The following CFAP44 variants were observed in gnomAD, a reference collection of about 807,000 sequenced individuals.
CFAP44 encodes cilia and flagella associated protein 44.
Under a neutral mutation model 216.2 loss-of-function variants are expected in CFAP44, and 134 were observed. That is an observed-to-expected ratio of 0.62 (90% CI 0.54 to 0.72). CFAP44 has a LOEUF of 0.72. Ranked by LOEUF, CFAP44 falls within the 30% of genes least tolerant of loss-of-function variation. The pLI is 0.00. For missense variants in CFAP44, 2,035 were observed against 2,182.1 expected (o/e 0.93, Z 1.34); for synonymous variants, 700 against 727.6 (o/e 0.96, Z 0.61).
At chr3:113,330,023 C>G in intron 26 of CFAP44, 145 bp downstream of exon 26, 1 of 955,508 alleles carries the variant, frequency 1.0e-6, no homozygotes, top group East Asian at 2.8e-5. Context: ...GGGAGGAAGC[C>G]AAGCCATCAC....
chr3:113,433,450 A>AAAAAAAAAAAAAAAAAAAAAAAC (rs1935159092), intron 2 of CFAP44, 115 bp downstream of exon 2: 1 of 455,520 alleles, frequency 2.2e-6, no homozygotes, highest in Non-Finnish European at 3.6e-6. Flanking sequence ...AAAAAAAAAA[A>AAAAAAAAAAAAAAAAAAAAAAAC]AAAAAAGATC....
chr3:113,355,766 T>A (rs1395178995), intron 22 of CFAP44, among the ~76,000 whole-genome samples: 1 of 148,164 alleles, frequency 6.7e-6, no homozygotes, highest in Non-Finnish European at 1.5e-5. Flanking sequence ...GAATTTAAAG[T>A]ATTAAAAAAA....
At chr3:113,304,995 T>C in intron 31 of CFAP44, 41 bp downstream of exon 31, 12 of 1,513,946 alleles carry the variant, frequency 7.9e-6, no homozygotes, top group Non-Finnish European at 9.8e-6. Flanking sequence ...GTGTGATGAC[T>C]CTTCTCGGAC....
Position 113,400,579 on chromosome 3 carries a change from A to T in CFAP44, c.1440T>A (p.Pro480=), listed in dbSNP as rs767388844. The change falls in exon 12 of 35, where the codon CCT becomes CCA. Residue 480 remains proline, a synonymous_variant. Coordinates refer to ENST00000393845, the MANE Select transcript of CFAP44 (RefSeq NM_001164496.2). ...CAGTTGTGGCCATGAGATAAGTGAGAGGAGAAACAGCCACGGCTTCAATAG... is the reference window on the plus strand; with the variant it reads ...CAGTTGTGGCCATGAGATAAGTGAGTGGAGAAACAGCCACGGCTTCAATAG... ...SGAIEAVAVS[P]LTYLMATTAL... 6.2e-7 allele frequency: 1 copy of T among 1,610,470 alleles called. No individual in the cohort carries two copies. Among genetic ancestry groups the T allele is most frequent in the Non-Finnish European group, 8.5e-7 (1 of 1,178,202 alleles).
chr3:113,303,891 CA>C (rs1559905212), intron 32 of CFAP44, 24 bp downstream of exon 32: 9 of 1,536,110 alleles, frequency 5.9e-6, no homozygotes, highest in Non-Finnish European at 7.9e-6. Flanking sequence ...ACCTTACTAG[CA>C]AGGCTGTGGG....
rs1369565646 is a variant in CFAP44 at position 113,344,549 on chromosome 3, C to T, written c.3229G>A (p.Gly1077Arg). 2.6e-6 allele frequency: 4 copies of T among 1,536,898 alleles called. No homozygotes were observed. Among genetic ancestry groups the T allele is most frequent in the Non-Finnish European group, 3.5e-6 (4 of 1,146,800 alleles). ...CTCTGGCTGTCCTTTCTTCCAGGTC[C>T]CTCTTTTTCAAACCTGTCCAATTTG... ...PSKLDRFEKEGPGRKDSQRDA... is the reference protein window; with the variant it reads ...PSKLDRFEKERPGRKDSQRDA... Residue 1077 changes from glycine to arginine, a missense_variant, in exon 23 of 35, where the codon GGA becomes AGA. Gly to Arg is a moderately radical substitution (Grantham distance 125, BLOSUM62 -2). Coordinates refer to ENST00000393845, the MANE Select transcript of CFAP44 (RefSeq NM_001164496.2).
In CFAP44 at chr3:113,304,901, G is replaced by A. The variant is rs187430295; in HGVS notation, c.4875+135C>T. 4.2e-4 allele frequency: 283 copies of A among 673,364 alleles called. 1 individual carries two copies. In the African/African-American group the frequency reaches 4.6e-3, roughly 11 times the overall value. 41.7% of individuals were successfully genotyped at this position (673,364 alleles called of 1,614,324 possible). A position where few individuals can be genotyped will look rare whatever the true frequency, so the allele number is the denominator to read the frequency against. On this transcript the variant is annotated intron_variant, in intron 31 of 34. Transcript: ENST00000393845. ...CTGACAGTGGATAAGACAAGTGTAG[G>A]TGTCATTCTACAGGTGGAATTCTCA...
chr3:113,406,845 G>A, intron 8 of CFAP44, 82 bp downstream of exon 8: 2 of 875,560 alleles, frequency 2.3e-6, no homozygotes, highest in East Asian at 2.6e-5. Flanking sequence ...GGCAGAGCTT[G>A]TTAGAATTTT....
At chr3:113,361,411 CTAT>C (rs1408398335) in intron 21 of CFAP44, 1 of 158,820 alleles carries the variant, frequency 6.3e-6, no homozygotes, top group East Asian at 1.8e-4. Flanking sequence ...AAAATGACTA[CTAT>C]TATTTTGTGT....
chr3:113,434,383 AG>A (rs1935185917), intron 1 of CFAP44: 1 of 152,214 alleles, frequency 6.6e-6, no homozygotes, highest in Non-Finnish European at 1.5e-5. Flanking sequence ...GGCTGCAAGC[AG>A]TCTATTGGCC....
At chr3:113,330,720 T>C in intron 25 of CFAP44, 52 bp from the exon 26 acceptor site, 1 of 1,473,230 alleles carries the variant, frequency 6.8e-7, no homozygotes, top group Non-Finnish European at 8.9e-7. Context: ...GACAAATAAC[T>C]GTATGGAATA....
rs373518668 is a variant in CFAP44, at chr3:113,433,671, T to A, written c.-5-2A>T. On this transcript the variant is annotated splice_acceptor_variant, in intron 1 of 34. Coordinates refer to ENST00000393845, the MANE Select transcript of CFAP44 (RefSeq NM_001164496.2). LOFTEE classifies it low-confidence loss of function (5UTR_SPLICE). ...GATCATCTGGTTCCTTCATTTCCTCTGTAAGTACAAAATGGGGATGAGATA... is the reference window on the plus strand; with the variant it reads ...GATCATCTGGTTCCTTCATTTCCTCAGTAAGTACAAAATGGGGATGAGATA... 2.5e-6 allele frequency: 4 copies of A among 1,607,278 alleles called. No individual in the cohort carries two copies. The African/African-American group carries it at 5.3e-5, about 21-fold the overall frequency.
chr3:113,357,935 C>T (rs986145960), intron 22 of CFAP44, among the ~76,000 whole-genome samples: 1 of 151,990 alleles, frequency 6.6e-6, no homozygotes, highest in Non-Finnish European at 1.5e-5. Flanking sequence ...ATAGAAACAA[C>T]TCAAATATCT....
In CFAP44 at chr3:113,327,395, A is replaced by AAATT. The variant is rs201762471; in HGVS notation, c.4320+220_4320+221insAATT. On this transcript the variant is annotated intron_variant, in intron 27 of 34. Coordinates refer to ENST00000393845, the MANE Select transcript of CFAP44 (RefSeq NM_001164496.2). ...ATTTTATTCTTCTACCTTACAGAAT[A>AAATT]TCAGACCAAATTTACTAAAAAATCT... 8.7e-3 allele frequency among the ~76,000 whole-genome samples: 1,324 copies of AAATT among 152,314 alleles called. 16 individuals carry two copies. The highest frequency in any genetic ancestry group is 0.022 in the African/African-American group (898 of 41,566).
intron 24 of CFAP44, among the ~76,000 whole-genome samples, chr3:113,337,751 AC>A (rs1413260024): frequency 3.9e-5 from 6 of 152,368 alleles, no homozygotes; most frequent in Admixed American, 1.3e-4. Context: ...TAAGAAAAAA[AC>A]AAACAAATCT....
At chr3:113,327,220 G>T (rs549645133) in intron 27 of CFAP44, among the ~76,000 whole-genome samples, 1 of 152,136 alleles carries the variant, frequency 6.6e-6, no homozygotes, top group African/African-American at 2.4e-5. Flanking sequence ...TCATACTTAA[G>T]AAACTCACCA....
In CFAP44 at chr3:113,379,517, CT is replaced by C. The variant is rs751616674; in HGVS notation, c.2086del (p.Arg696GlyfsTer3). The part of the protein sequence containing the change: ...LIEIEKRERQ[R>X]ELKEKIREER... Reference sequence around the variant, plus strand: ...TTCCCTTATTTTCTCCTTCAACTCCCTTTGTCTCTCCCTCTTTTCAATTTCT... The same window carrying C: ...TTCCCTTATTTTCTCCTTCAACTCCCTTGTCTCTCCCTCTTTTCAATTTCT... On this transcript the variant is annotated frameshift_variant, in exon 17 of 35. Coordinates refer to ENST00000393845, the MANE Select transcript of CFAP44 (RefSeq NM_001164496.2). LOFTEE classifies it high-confidence loss of function. The C allele has an allele frequency of 1.3e-6, 2 of 1,597,738 alleles. No homozygotes were observed. Among genetic ancestry groups the C allele is most frequent in the South Asian group, 1.1e-5 (1 of 90,356 alleles).
chr3:113,433,799 G>T, intron 1 of CFAP44, 130 bp from the exon 2 acceptor site: 1 of 713,338 alleles, frequency 1.4e-6, no homozygotes, highest in African/African-American at 1.7e-5. Context: ...CAGGATCCAG[G>T]ATGACCCACC....
intron 1 of CFAP44, among the ~76,000 whole-genome samples, chr3:113,436,592 G>A (rs1383981536): frequency 6.6e-6 from 1 of 152,192 alleles, no homozygotes; most frequent in Non-Finnish European, 1.5e-5. Context: ...TGACAGTCGT[G>A]ACTGAAGTGA....
Sources: gnomAD v4.1 joint callset for allele counts (sites outside exome capture counted in the v4.1 genomes callset) on GRCh38, gnomAD v4.1.1 for gene constraint, MANE v1.5 for transcripts, NCBI Gene and HGNC (gene_info 2026-07-23, HGNC 2026-07-21) for gene names.